Variants in PRSS3 observed in about 807,000 individuals in gnomAD.
PRSS3 encodes trypsin-3.
PRSS3 carries 14 observed loss-of-function variants against 20.8 expected under a neutral mutation model. That is an observed-to-expected ratio of 0.67 (90% confidence interval 0.44 to 1.05). The LOEUF (loss-of-function observed/expected upper bound fraction) is 1.05, where lower values mean the gene tolerates loss of function less well. PRSS3 is among the 50% of genes least tolerant of loss of function. The pLI is 0.00. For missense variants in PRSS3, 237 were observed against 306.4 expected (o/e 0.77, Z 1.69); for synonymous variants, 91 against 117.6 (o/e 0.77, Z 1.46).
chr9:33,755,372 T>C (rs1264749137), intron 1 of PRSS3, among the ~76,000 whole-genome samples: 6 of 152,208 alleles, frequency 3.9e-5, no homozygotes, highest in Admixed American at 3.9e-4. Context: ...GCAATTACTT[T>C]CAATGCTTTG....
At chr9:33,786,008 C>T in intron 1 of PRSS3, 1 of 226,596 alleles carries the variant, frequency 4.4e-6, no homozygotes, top group Admixed American at 5.4e-5. Context: ...GTGGCCGGTG[C>T]ATGCTGCAAG....
intron 1 of PRSS3, among the ~76,000 whole-genome samples, chr9:33,756,188 A>G (rs1220282211): frequency 2.0e-5 from 3 of 152,192 alleles, no homozygotes; most frequent in Non-Finnish European, 2.9e-5. Context: ...TATTAATCAG[A>G]AATCATTTCC....
In PRSS3 at chr9:33,795,573, C is replaced by A; in HGVS notation, c.-1C>A. Reference sequence around the variant, plus strand: ...CCACCAGTCAGGCACACTCTACCACCATGAATCCATTCCTGATCCTTGCCT... The same window carrying A: ...CCACCAGTCAGGCACACTCTACCACAATGAATCCATTCCTGATCCTTGCCT... On this transcript the variant is annotated 5_prime_UTR_variant, in exon 1 of 5. Coordinates refer to ENST00000379405, the MANE Select transcript of PRSS3 (RefSeq NM_002771.4). 1 of 1,614,230 alleles carries A rather than the reference C, an allele frequency of 6.2e-7. No individual in the cohort carries two copies. The highest frequency in any genetic ancestry group is 1.7e-5 in the Admixed American group (1 of 60,034).
intron 1 of PRSS3, among the ~76,000 whole-genome samples, chr9:33,784,888 A>T (rs1824323107): frequency 6.6e-6 from 1 of 152,194 alleles, no homozygotes; most frequent in Admixed American, 6.5e-5. Flanking sequence ...CATTGATTTG[A>T]GTCCTGACTC....
chr9:33,798,459 T>C (rs1051763239), intron 3 of PRSS3, 27 bp from the exon 4 acceptor site: 14 of 1,610,542 alleles, frequency 8.7e-6, no homozygotes, highest in African/African-American at 2.7e-5. Flanking sequence ...ATTTCTACTT[T>C]CTTTGATCTC....
rs1462447248 is a variant in PRSS3 at position 33,784,968 on chromosome 9, T to G, written c.-52-9778T>G. ...GGTCTCTAGGTCTTATCTGTAAAAT[T>G]TCCTAATCTGTAAAAATAGTGTGAC... On this transcript the variant is annotated intron_variant, in intron 1 of 5. Coordinates refer to the PRSS3 transcript ENST00000342836. Among the ~76,000 whole-genome samples the G allele has an allele frequency of 2.0e-5, 3 of 152,134 alleles. No homozygotes were observed. The South Asian group carries it at 6.2e-4, about 31-fold the overall frequency.
intron 1 of PRSS3, among the ~76,000 whole-genome samples, chr9:33,782,613 T>G (rs1288974959): frequency 2.0e-5 from 3 of 152,104 alleles, no homozygotes; most frequent in Non-Finnish European, 2.9e-5. Context: ...ATCAAAGGAA[T>G]GTGGTACTGG....
At chr9:33,784,967 T>C (rs1824326430) in intron 1 of PRSS3, among the ~76,000 whole-genome samples, 2 of 152,058 alleles carry the variant, frequency 1.3e-5, no homozygotes, top group Non-Finnish European at 2.9e-5. Flanking sequence ...ATCTGTAAAA[T>C]TTCCTAATCT....
chr9:33,766,653 T>C (rs951967367), intron 1 of PRSS3, among the ~76,000 whole-genome samples: 1 of 152,126 alleles, frequency 6.6e-6, no homozygotes, highest in African/African-American at 2.4e-5. Context: ...TTGAAAACAT[T>C]ATGCTGAGGG....
intron 1 of PRSS3, among the ~76,000 whole-genome samples, chr9:33,771,873 C>CTT (rs74178902): frequency 1.3e-3 from 170 of 128,282 alleles, no homozygotes; most frequent in Admixed American, 3.7e-3. Context: ...TCTTTCTTTT[C>CTT]TTTTTTTTTT....
chr9:33,763,795 C>A (rs1314157551), intron 1 of PRSS3, among the ~76,000 whole-genome samples: 6 of 151,552 alleles, frequency 4.0e-5, no homozygotes, highest in African/African-American at 1.4e-4. Flanking sequence ...TTGGCTGCAA[C>A]TGCCTCTCAG....
intron 1 of PRSS3, among the ~76,000 whole-genome samples, chr9:33,779,773 G>T (rs375354074): frequency 9.3e-4 from 138 of 149,046 alleles, no homozygotes; most frequent in African/African-American, 3.3e-3. Context: ...GGAGGCTGAG[G>T]CAGGAGAATG....
intron 1 of PRSS3, among the ~76,000 whole-genome samples, chr9:33,755,429 C>T (rs1170572712): frequency 6.6e-6 from 1 of 151,984 alleles, no homozygotes; most frequent in East Asian, 1.9e-4. Context: ...CATGCAAATA[C>T]GGGCCATTTC....
intron 1 of PRSS3, among the ~76,000 whole-genome samples, chr9:33,754,308 G>T: frequency 6.6e-6 from 1 of 151,744 alleles, no homozygotes; most frequent in South Asian, 2.1e-4. Flanking sequence ...CTGACCTTGT[G>T]ATCTGCCCCC....
chr9:33,765,703 C>T lies in PRSS3; in HGVS notation c.-53+14976C>T, dbSNP rs529459908. 9.2e-5 allele frequency among the ~76,000 whole-genome samples: 14 copies of T among 152,254 alleles called. No individual in the cohort carries two copies. The South Asian group carries it at 2.5e-3, about 27-fold the overall frequency. ...TCCTTATGCTACTCAGAATGGTGTG[C>T]AATTTAAAATTTCTAAATTATTTGT... On this transcript the variant is annotated intron_variant, in intron 1 of 5. Transcript: ENST00000342836.
At chr9:33,791,458 G>A (rs1280498057), upstream of PRSS3, among the ~76,000 whole-genome samples, 1 of 152,096 alleles carries the variant, frequency 6.6e-6, no homozygotes, top group Admixed American at 6.6e-5. Flanking sequence ...TGAGTAGAAG[G>A]AACCCAGTTG....
At position 33,774,133 on chromosome 9, in the gene PRSS3, G is replaced by C. The variant is rs142969529; in HGVS notation, c.-52-20613G>C. ...GGGCTTAGCCTATATTTGGAAAATG[G>C]GTTATCCAAATTATTTAGAAGTCCA... On this transcript the variant is annotated intron_variant, in intron 1 of 5. Transcript: ENST00000342836. 6.1e-3 allele frequency among the ~76,000 whole-genome samples: 923 copies of C among 152,110 alleles called. 11 individuals are homozygous for C. Among genetic ancestry groups the C allele is most frequent in the African/African-American group, 0.021 (869 of 41,484 alleles).
At chr9:33,786,672 T>A in intron 1 of PRSS3, 1 of 766,412 alleles carries the variant, frequency 1.3e-6, no homozygotes, top group Non-Finnish European at 2.4e-6. Flanking sequence ...AGCGTGACAC[T>A]GATTGCAACT....
intron 2 of PRSS3, among the ~76,000 whole-genome samples, chr9:33,797,303 C>T (rs1464872697): frequency 2.6e-5 from 4 of 152,084 alleles, no homozygotes; most frequent in Non-Finnish European, 5.9e-5. Flanking sequence ...ATCACTGGGT[C>T]CCATCCCCAA....
Sources: allele counts gnomAD v4.1 joint callset (sites outside exome capture counted in the v4.1 genomes callset), GRCh38; gene constraint gnomAD v4.1.1; transcripts MANE v1.5; gene names NCBI Gene and HGNC (gene_info 2026-07-23, HGNC 2026-07-21).